PIK3AP1: variants seen among roughly 807,000 people sequenced by gnomAD.
PIK3AP1 encodes the protein phosphoinositide 3-kinase adapter protein 1.
PIK3AP1 carries 21 observed loss-of-function variants against 88.1 expected under a neutral mutation model. The observed-to-expected ratio is 0.24, with a 90% CI of 0.17 to 0.34. The LOEUF (loss-of-function observed/expected upper bound fraction) is 0.34. Among genes scored for constraint, PIK3AP1 ranks in the 10% least tolerant of loss-of-function variants. The probability of loss-of-function intolerance (pLI) is 1.00; values close to 1 mark genes in which losing one functional copy is unlikely to be tolerated. For synonymous variants in PIK3AP1, 398 were observed against 400.0 expected, an observed-to-expected ratio of 1.00 and a Z score of 0.06; for missense variants, 828 against 1,035.7, an observed-to-expected ratio of 0.80 and a Z score of 2.75.
intron 15 of PIK3AP1, 117 bp from the exon 16 acceptor site, chr10:96,602,515 G>T: frequency 2.4e-6 from 2 of 831,268 alleles, no homozygotes; most frequent in Non-Finnish European, 3.9e-6. Flanking sequence ...AAGGTTGTTT[G>T]CAAATTGATA....
intron 2 of PIK3AP1, among the ~76,000 whole-genome samples, chr10:96,687,255 C>CA (rs59631566): frequency 0.018 from 978 of 55,316 alleles, 45 homozygotes; most frequent in African/African-American, 0.028. Flanking sequence ...TACTCCATCT[C>CA]AAAAAAAAAA....
intron 2 of PIK3AP1, among the ~76,000 whole-genome samples, chr10:96,687,511 G>A (rs2134269990): frequency 6.6e-6 from 1 of 152,240 alleles, no homozygotes; most frequent in African/African-American, 2.4e-5. Context: ...GAGAGTGAAT[G>A]CCCAACCCTC....
chr10:96,645,159 T>C (rs1013168807), intron 8 of PIK3AP1, among the ~76,000 whole-genome samples: 22 of 152,194 alleles, frequency 1.4e-4, no homozygotes, highest in African/African-American at 5.1e-4. Flanking sequence ...ATGTTTGTTA[T>C]AAAAAGGACC....
chr10:96,603,756 C>T, intron 15 of PIK3AP1: 1 of 485,766 alleles, frequency 2.1e-6, no homozygotes, highest in Middle Eastern at 5.8e-4. Context: ...CCCTAATACA[C>T]CTGTCCCCAT....
intron 13 of PIK3AP1, among the ~76,000 whole-genome samples, chr10:96,614,221 A>G (rs1000965714): frequency 6.6e-6 from 1 of 152,134 alleles, no homozygotes; most frequent in Non-Finnish European, 1.5e-5. Context: ...CACTGGGTGC[A>G]ACGCCAAATC....
intron 4 of PIK3AP1, among the ~76,000 whole-genome samples, chr10:96,652,254 T>C (rs1026189686): frequency 6.6e-6 from 1 of 151,914 alleles, no homozygotes; most frequent in Non-Finnish European, 1.5e-5. Flanking sequence ...AAGAAATGCA[T>C]ATGAAAACAA....
chr10:96,719,578 A>G (rs1844545215), intron 1 of PIK3AP1, among the ~76,000 whole-genome samples: 1 of 152,184 alleles, frequency 6.6e-6, no homozygotes. Context: ...TGGAGAACAT[A>G]TTAGGTGCAC....
intron 8 of PIK3AP1, 53 bp downstream of exon 8, chr10:96,645,420 A>G (rs1251542849): frequency 3.8e-6 from 6 of 1,585,012 alleles, no homozygotes; most frequent in Non-Finnish European, 5.1e-6. Flanking sequence ...CCGGAATGAA[A>G]AAAGCTGTTT....
chr10:96,679,276 C>A (rs1009487742), intron 2 of PIK3AP1, among the ~76,000 whole-genome samples: 1 of 152,034 alleles, frequency 6.6e-6, no homozygotes, highest in Non-Finnish European at 1.5e-5. Flanking sequence ...GTCTAAAATC[C>A]CAGCACTTTG....
At chr10:96,618,010 A>C (rs543109200) in intron 12 of PIK3AP1, among the ~76,000 whole-genome samples, 1 of 152,290 alleles carries the variant, frequency 6.6e-6, no homozygotes, top group South Asian at 2.1e-4. Flanking sequence ...AGGCAGAGGA[A>C]AAGGAAGATG....
At chr10:96,618,298 TAAC>T (rs1364486841) in intron 12 of PIK3AP1, among the ~76,000 whole-genome samples, 4 of 152,132 alleles carry the variant, frequency 2.6e-5, no homozygotes, top group Non-Finnish European at 5.9e-5. Flanking sequence ...ACTTAAAGTA[TAAC>T]AACAACAACG....
intron 16 of PIK3AP1, among the ~76,000 whole-genome samples, chr10:96,599,613 T>C (rs530166376): frequency 2.0e-5 from 3 of 152,258 alleles, no homozygotes; most frequent in African/African-American, 7.2e-5. Context: ...CAGTGGAGTC[T>C]AGGACACCAA....
chr10:96,689,575 C>CAAAAA (rs56828361), intron 2 of PIK3AP1, among the ~76,000 whole-genome samples: 1 of 70,448 alleles, frequency 1.4e-5, no homozygotes. Flanking sequence ...GACTCTGTCT[C>CAAAAA]AAAAAAAAAA....
rs776780994 is a variant in PIK3AP1 at position 96,629,930 on chromosome 10, A to AAAAAAAAG, written c.1376-1438_1376-1437insCTTTTTTT. 3.2e-3 allele frequency among the ~76,000 whole-genome samples: 44 copies of AAAAAAAAG among 13,710 alleles called. 1 individual carries two copies. Among genetic ancestry groups the AAAAAAAAG allele is most frequent in the Non-Finnish European group, 4.6e-3 (28 of 6,078 alleles). The allele number at this position is 13,710 out of a possible 152,430, so 9.0% of individuals were successfully genotyped here. Reference sequence around the variant, plus strand: ...CAACCAAAAAAAAAAAAAAAAAAAAAAAGAAGAAGAAGAAGAAGAAGAAGA... The same window carrying AAAAAAAAG: ...CAACCAAAAAAAAAAAAAAAAAAAAAAAAAAAAGAAGAAGAAGAAGAAGAAGAAGAAGA... On this transcript the variant is annotated intron_variant, in intron 8 of 16. Transcript: ENST00000339364.
intron 14 of PIK3AP1, among the ~76,000 whole-genome samples, chr10:96,606,907 G>A (rs887661930): frequency 2.0e-5 from 3 of 152,118 alleles, no homozygotes; most frequent in African/African-American, 7.2e-5. Context: ...AAGAAACTTG[G>A]TTACACTTGA....
chr10:96,645,704 G>A (rs1448134017), intron 7 of PIK3AP1, 42 bp from the exon 8 acceptor site: 1 of 1,532,356 alleles, frequency 6.5e-7, no homozygotes. Flanking sequence ...GAGGCAGCCT[G>A]ACTTTCCGGG....
chr10:96,602,391 T>G lies in PIK3AP1; in HGVS notation c.2249A>C (p.Glu750Ala), dbSNP rs751892306. ...SGMEGDNEDNEVPEVTRSRSP... is the reference protein window; with the variant it reads ...SGMEGDNEDNAVPEVTRSRSP... ...GCGACTTCTGGTAACCTCAGGGACT[T>G]CATTATCCTACAGCAAAGAAGATGA... The change falls in exon 16 of 17, where the codon GAA becomes GCA. Residue 750 changes from glutamate (E) to alanine (A), a missense_variant. By Grantham distance (107) the Glu-to-Ala change is moderately radical. Transcript: ENST00000339364. 7.4e-6 allele frequency: 12 copies of G among 1,610,844 alleles called. No individual in the cohort carries two copies. Among genetic ancestry groups the G allele is most frequent in the Non-Finnish European group, 8.5e-6 (10 of 1,177,426 alleles).
chr10:96,692,800 TAATA>T, intron 2 of PIK3AP1, among the ~76,000 whole-genome samples: 1 of 152,336 alleles, frequency 6.6e-6, no homozygotes, highest in South Asian at 2.1e-4. Flanking sequence ...TGTGTTAATA[TAATA>T]AATAAACTTA....
At chr10:96,702,456 G>A (rs531580311) in intron 2 of PIK3AP1, among the ~76,000 whole-genome samples, 167 of 148,052 alleles carry the variant, frequency 1.1e-3, no homozygotes, top group Middle Eastern at 7.1e-3. Context: ...CCGAGATCAC[G>A]CCACTGCACT....
Sources: gnomAD v4.1 joint callset for allele counts (sites outside exome capture counted in the v4.1 genomes callset) on GRCh38, gnomAD v4.1.1 for gene constraint, MANE v1.5 for transcripts, NCBI Gene and HGNC (gene_info 2026-07-23, HGNC 2026-07-21) for gene names.